The following LHX4 variants were observed in gnomAD, a reference collection of about 807,000 sequenced individuals.
LHX4 encodes LIM/homeobox protein Lhx4.
In LHX4, 16 loss-of-function variants were observed where a neutral mutation model predicts 39.2. That is an observed-to-expected ratio of 0.41 (90% CI 0.28 to 0.62). The LOEUF (loss-of-function observed/expected upper bound fraction) is 0.62, where lower values mean the gene tolerates loss of function less well. LHX4 is among the 20% of genes least tolerant of loss of function. LHX4 has a pLI of 0.33. For missense variants in LHX4, 439 were observed against 511.9 expected (o/e 0.86, Z 1.37); for synonymous variants, 206 against 198.1 (o/e 1.04, Z -0.33).
Position 180,274,906 on chromosome 1 carries a change from T to C in LHX4, c.*327T>C. The C allele has an allele frequency of 4.0e-6, 1 of 248,532 alleles. No homozygotes were observed. The highest frequency in any genetic ancestry group is 7.7e-5 in the East Asian group (1 of 13,044). The allele number at this position is 248,532 out of a possible 1,614,324, so 15.4% of individuals were successfully genotyped here. On this transcript the variant is annotated 3_prime_UTR_variant, in exon 6 of 6. Transcript: ENST00000263726. ...GTGCTTTGGTAGCACAAGGTGACTGTGATAGGCCCCCTTGGCCTTTGGGAA... is the reference window on the plus strand; with the variant it reads ...GTGCTTTGGTAGCACAAGGTGACTGCGATAGGCCCCCTTGGCCTTTGGGAA...
intron 2 of LHX4, among the ~76,000 whole-genome samples, chr1:180,251,964 C>T (rs1253403838): frequency 6.6e-6 from 1 of 152,180 alleles, no homozygotes; most frequent in Non-Finnish European, 1.5e-5. Context: ...CTGAAGTCCT[C>T]AGTGGGTGGA....
At chr1:180,241,798 T>C (rs1664448964) in intron 1 of LHX4, among the ~76,000 whole-genome samples, 1 of 151,440 alleles carries the variant, frequency 6.6e-6, no homozygotes, top group South Asian at 2.1e-4. Context: ...TTTTTTTTGT[T>C]TTTGTGTTTT....
At chr1:180,255,260 T>C (rs1647797699) in intron 2 of LHX4, among the ~76,000 whole-genome samples, 1 of 152,248 alleles carries the variant, frequency 6.6e-6, no homozygotes, top group Admixed American at 6.5e-5. Context: ...AGTCAGACTT[T>C]TGCTGAGCCA....
At chr1:180,238,880 G>C (rs887409869) in intron 1 of LHX4, among the ~76,000 whole-genome samples, 1 of 152,196 alleles carries the variant, frequency 6.6e-6, no homozygotes, top group Non-Finnish European at 1.5e-5. Context: ...AAACTGAGTC[G>C]TGGGCCTCAG....
At chr1:180,244,699 C>T (rs1454516820) in intron 1 of LHX4, among the ~76,000 whole-genome samples, 1 of 152,242 alleles carries the variant, frequency 6.6e-6, no homozygotes, top group Non-Finnish European at 1.5e-5. Flanking sequence ...AGGTAGGAAT[C>T]TGTGGCCCCT....
chr1:180,229,900 A>G (rs1664124298), upstream of LHX4, among the ~76,000 whole-genome samples: 1 of 144,950 alleles, frequency 6.9e-6, no homozygotes, highest in Non-Finnish European at 1.5e-5. Context: ...GCAGGCCATC[A>G]GCAGAATTTA....
intron 2 of LHX4, 103 bp downstream of exon 2, chr1:180,248,559 C>A: frequency 7.8e-7 from 1 of 1,286,212 alleles, no homozygotes; most frequent in Admixed American, 1.8e-5. Flanking sequence ...GGTGGAGAGT[C>A]CACTCTGGGA....
rs1571302827 is a variant in LHX4 at position 180,275,531 on chromosome 1, A to G, written c.*952A>G. 1 of 152,212 alleles carries G rather than the reference A, an allele frequency of 6.6e-6. No individual in the cohort carries two copies. Among genetic ancestry groups the G allele is most frequent in the Non-Finnish European group, 1.5e-5 (1 of 68,044 alleles). The allele number at this position is 152,212 out of a possible 1,614,324, so 9.4% of individuals were successfully genotyped here. A position where few individuals can be genotyped will look rare whatever the true frequency, so the allele number is the denominator to read the frequency against. On this transcript the variant is annotated 3_prime_UTR_variant, in exon 6 of 6. Transcript: ENST00000263726. ...TGATGCCAGTCTTCCAGAGTTCCCC[A>G]TCCCTTGTAGGGTGAAATATTTGGA...
chr1:180,244,224 T>TA (rs2149255151), intron 1 of LHX4, among the ~76,000 whole-genome samples: 1 of 152,336 alleles, frequency 6.6e-6, no homozygotes, highest in East Asian at 1.9e-4. Context: ...TATCTTTGTT[T>TA]AATCCCCCCG....
At position 180,274,742 on chromosome 1, in the gene LHX4, G is replaced by A. The variant is rs1571301697; in HGVS notation, c.*163G>A. The A allele has an allele frequency of 3.8e-6, 3 of 792,284 alleles. No homozygotes were observed. Among genetic ancestry groups the A allele is most frequent in the Non-Finnish European group, 5.9e-6 (3 of 512,414 alleles). 49.1% of individuals were successfully genotyped at this position (792,284 alleles called of 1,614,324 possible). Reference sequence around the variant, plus strand: ...CCTAGAAGGCTGTGAGACCACACTAGGGCATTGTTTCCCTGGGGAAGCAGT... The same window carrying A: ...CCTAGAAGGCTGTGAGACCACACTAAGGCATTGTTTCCCTGGGGAAGCAGT... On this transcript the variant is annotated 3_prime_UTR_variant, in exon 6 of 6. Coordinates refer to ENST00000263726, the MANE Select transcript of LHX4 (RefSeq NM_033343.4).
At chr1:180,264,004 C>T (rs896863074) in intron 2 of LHX4, among the ~76,000 whole-genome samples, 9 of 152,160 alleles carry the variant, frequency 5.9e-5, no homozygotes, top group African/African-American at 2.2e-4. Flanking sequence ...CGCTCTGTTG[C>T]CCAGGCTGGA....
intron 1 of LHX4, among the ~76,000 whole-genome samples, chr1:180,242,910 T>C (rs1303482022): frequency 1.3e-5 from 2 of 152,248 alleles, no homozygotes; most frequent in African/African-American, 4.8e-5. Flanking sequence ...ATGTGGAATT[T>C]TGAGATACTA....
chr1:180,271,547 C>A lies in LHX4; in HGVS notation c.606+13C>A, dbSNP rs1170777408. 4.3e-6 allele frequency: 7 copies of A among 1,613,922 alleles called. No individual in the cohort carries two copies. The highest frequency in any genetic ancestry group is 5.9e-6 in the Non-Finnish European group (7 of 1,179,872). On this transcript the variant is annotated intron_variant, in intron 4 of 5. Coordinates refer to ENST00000263726, the MANE Select transcript of LHX4 (RefSeq NM_033343.4). ...GAGGGTCGTACAGGTGAGATGCCAG[C>A]ACTCCTGTGCCCTCCGGGGATCCCA...
rs1200570834 is a variant in LHX4 at position 180,268,670 on chromosome 1, TGGA to T, written c.451+2081_451+2083del. On this transcript the variant is annotated intron_variant, in intron 3 of 5. Transcript: ENST00000263726. Reference sequence around the variant, plus strand: ...TGGGATGTGAAATAAGAGACTGACGTGGAGGAGAAGTGCAAACAGGGAGGTGAG... The same window carrying T: ...TGGGATGTGAAATAAGAGACTGACGTGGAGAAGTGCAAACAGGGAGGTGAG... Among the ~76,000 whole-genome samples, 6 of 152,204 alleles carry T rather than the reference TGGA, an allele frequency of 3.9e-5. No individual in the cohort carries two copies. The South Asian group carries it at 6.2e-4, about 16-fold the overall frequency.
At chr1:180,240,539 C>T (rs946227232) in intron 1 of LHX4, among the ~76,000 whole-genome samples, 8 of 152,064 alleles carry the variant, frequency 5.3e-5, no homozygotes, top group South Asian at 2.1e-4. Flanking sequence ...TTTGATCTTC[C>T]GTGACGAAAG....
At chr1:180,230,031 C>T (rs1383447041), upstream of LHX4, among the ~76,000 whole-genome samples, 1 of 151,050 alleles carries the variant, frequency 6.6e-6, no homozygotes, top group African/African-American at 2.4e-5. The surrounding 1 kb of genome is among the most constrained non-coding windows in gnomAD (Gnocchi z 5.8). Context: ...CTCCGCCCCG[C>T]CGGCCTCACT....
chr1:180,264,577 A>G (rs1648242322), intron 2 of LHX4, among the ~76,000 whole-genome samples: 1 of 152,204 alleles, frequency 6.6e-6, no homozygotes. Context: ...CTCCGTGCAC[A>G]TCCTCTACAA....
intron 2 of LHX4, among the ~76,000 whole-genome samples, chr1:180,255,569 C>T (rs1053812027): frequency 6.6e-6 from 1 of 152,266 alleles, no homozygotes. Context: ...CGGATAGTGG[C>T]TGTGCGTGTG....
At chr1:180,248,636 A>T in intron 2 of LHX4, 180 bp downstream of exon 2, 1 of 701,656 alleles carries the variant, frequency 1.4e-6, no homozygotes, top group Non-Finnish European at 2.5e-6. Context: ...TCACTGGCCC[A>T]TCACTGCCAG....
Sources: allele counts gnomAD v4.1 joint callset (sites outside exome capture counted in the v4.1 genomes callset), GRCh38; gene constraint gnomAD v4.1.1; non-coding constraint Gnocchi (gnomAD v3.1); transcripts MANE v1.5; gene names NCBI Gene and HGNC (gene_info 2026-07-23, HGNC 2026-07-21).